The following SLC7A2 variants were observed in gnomAD, a reference collection of about 807,000 sequenced individuals.
SLC7A2 encodes solute carrier family 7 member 2, also known as cationic amino acid transporter 2.
Under a neutral mutation model 58.9 loss-of-function variants are expected in SLC7A2, and 48 were observed. The observed-to-expected ratio is 0.82, with a 90% CI of 0.65 to 1.04. SLC7A2 has a LOEUF of 1.04. Among genes scored for constraint, SLC7A2 ranks in the 50% least tolerant of loss-of-function variants. SLC7A2 has a pLI of 0.00. For synonymous variants in SLC7A2, 363 were observed against 314.5 expected, an observed-to-expected ratio of 1.15 and a Z score of -1.63; for missense variants, 1,029 against 818.8, an observed-to-expected ratio of 1.26 and a Z score of -3.13.
At chr8:17,499,422 TTCTC>T (rs369582174) in intron 1 of SLC7A2, among the ~76,000 whole-genome samples, 214 of 150,248 alleles carry the variant, frequency 1.4e-3, no homozygotes, top group African/African-American at 5.0e-3. Flanking sequence ...CTCTCCCCCC[TTCTC>T]TCTCTGTGTG....
intron 10 of SLC7A2, 118 bp downstream of exon 10, chr8:17,560,651 C>T (rs1802933545): frequency 1.2e-6 from 1 of 812,406 alleles, no homozygotes; most frequent in Non-Finnish European, 2.0e-6. Context: ...TAGCAACCAC[C>T]CTGAAATTTT....
At chr8:17,507,220 C>G (rs958137546) in intron 2 of SLC7A2, among the ~76,000 whole-genome samples, 1 of 152,172 alleles carries the variant, frequency 6.6e-6, no homozygotes, top group Admixed American at 6.5e-5. Flanking sequence ...GCTGCGATTA[C>G]AGGCGTGAGC....
At chr8:17,503,492 C>T (rs1800249081) in intron 2 of SLC7A2, among the ~76,000 whole-genome samples, 1 of 152,192 alleles carries the variant, frequency 6.6e-6, no homozygotes, top group South Asian at 2.1e-4. Context: ...ACTTATTATT[C>T]ATACGCGGCG....
chr8:17,558,086 G>A (rs1456711890), intron 8 of SLC7A2, among the ~76,000 whole-genome samples: 1 of 152,124 alleles, frequency 6.6e-6, no homozygotes, highest in Non-Finnish European at 1.5e-5. Context: ...AGTTGCCAGA[G>A]AGCTGAGGGT....
intron 2 of SLC7A2, among the ~76,000 whole-genome samples, chr8:17,509,676 G>T (rs73666173): frequency 1.4e-4 from 21 of 151,758 alleles, no homozygotes; most frequent in Admixed American, 1.4e-3. Flanking sequence ...TTATTTTTTC[G>T]CCTCCAACAA....
At chr8:17,534,697 A>G (rs867663738) in intron 2 of SLC7A2, among the ~76,000 whole-genome samples, 1,517 of 80,572 alleles carry the variant, frequency 0.019, 27 homozygotes, top group African/African-American at 0.046. Flanking sequence ...TCAAATGGAA[A>G]AAAAAAAAAA....
intron 2 of SLC7A2, among the ~76,000 whole-genome samples, chr8:17,540,630 T>A (rs1282128237): frequency 6.6e-6 from 1 of 152,180 alleles, no homozygotes; most frequent in Non-Finnish European, 1.5e-5. Context: ...CAATTTCGTA[T>A]TGAAGAGATG....
intron 12 of SLC7A2, 66 bp from the exon 13 acceptor site, chr8:17,564,884 C>A: frequency 7.6e-7 from 1 of 1,307,764 alleles, no homozygotes; most frequent in South Asian, 1.5e-5. Context: ...TTTTCCACCT[C>A]AATAACTTAA....
intron 2 of SLC7A2, among the ~76,000 whole-genome samples, chr8:17,534,029 C>G (rs1801562869): frequency 6.6e-6 from 1 of 152,074 alleles, no homozygotes; most frequent in Admixed American, 6.6e-5. Flanking sequence ...GTTTTCTGTT[C>G]CTGCATTATT....
chr8:17,524,269 A>T (rs1239601496), intron 2 of SLC7A2, among the ~76,000 whole-genome samples: 1 of 152,228 alleles, frequency 6.6e-6, no homozygotes, highest in Non-Finnish European at 1.5e-5. Context: ...TACCAAAGGA[A>T]AAAGAAGTCA....
chr8:17,541,641 C>T (rs1461225564), intron 2 of SLC7A2, among the ~76,000 whole-genome samples: 3 of 151,908 alleles, frequency 2.0e-5, no homozygotes, highest in African/African-American at 7.3e-5. Context: ...CAGTTATTTT[C>T]TCATCTGTTG....
At chr8:17,530,752 T>C (rs1041969926) in intron 2 of SLC7A2, among the ~76,000 whole-genome samples, 6 of 152,014 alleles carry the variant, frequency 3.9e-5, no homozygotes, top group Middle Eastern at 3.4e-3. Flanking sequence ...TTTGTACTTT[T>C]AGTAGAGACG....
intron 8 of SLC7A2, among the ~76,000 whole-genome samples, chr8:17,555,869 C>T (rs1370454684): frequency 6.6e-6 from 1 of 152,054 alleles, no homozygotes; most frequent in Admixed American, 6.6e-5. Context: ...GGTACTGTTA[C>T]AGGAAGCAAA....
At chr8:17,514,177 A>G (rs1484172201) in intron 2 of SLC7A2, among the ~76,000 whole-genome samples, 1 of 152,110 alleles carries the variant, frequency 6.6e-6, no homozygotes, top group South Asian at 2.1e-4. Flanking sequence ...CCCTGGATCC[A>G]GGTAAGTAAC....
chr8:17,557,075 A>T (rs912689044), intron 8 of SLC7A2, among the ~76,000 whole-genome samples: 2 of 152,178 alleles, frequency 1.3e-5, no homozygotes, highest in Non-Finnish European at 2.9e-5. Context: ...AAAACCACTC[A>T]CAATTGCTGA....
At chr8:17,548,046 G>T (rs1349345453) in intron 4 of SLC7A2, among the ~76,000 whole-genome samples, 1 of 152,140 alleles carries the variant, frequency 6.6e-6, no homozygotes, top group Non-Finnish European at 1.5e-5. Flanking sequence ...CTTTTTAAAA[G>T]TTCGCAACTG....
chr8:17,554,877 C>T (rs896342045), intron 8 of SLC7A2, 178 bp downstream of exon 8: 17 of 1,541,830 alleles, frequency 1.1e-5, no homozygotes, highest in African/African-American at 1.4e-5. Context: ...CCAGTCTTTA[C>T]CTGTCTATAC....
At chr8:17,558,173 G>C in intron 8 of SLC7A2, 122 bp from the exon 9 acceptor site, 1 of 649,456 alleles carries the variant, frequency 1.5e-6, no homozygotes, top group Non-Finnish European at 2.8e-6. Flanking sequence ...TCTACACTCT[G>C]GTTGACTTAT....
At chr8:17,519,350 G>A (rs1297842905) in intron 2 of SLC7A2, among the ~76,000 whole-genome samples, 5 of 152,186 alleles carry the variant, frequency 3.3e-5, no homozygotes, top group Admixed American at 1.3e-4. Flanking sequence ...TATAGTGATG[G>A]TAGTATATTT....
Sources: allele counts gnomAD v4.1 joint callset (sites outside exome capture counted in the v4.1 genomes callset), GRCh38; gene constraint gnomAD v4.1.1; transcripts MANE v1.5; gene names NCBI Gene and HGNC (gene_info 2026-07-23, HGNC 2026-07-21).